ZNF841: variants seen among roughly 807,000 people sequenced by gnomAD.
ZNF841 encodes TCONS_00006091.
A neutral mutation model predicts 13.0 loss-of-function variants in ZNF841; 11 were observed. The observed-to-expected ratio is 0.85, with a 90% CI of 0.53 to 1.40. The LOEUF is 1.40. Ranked by LOEUF, ZNF841 falls within the 40% of genes most tolerant of loss-of-function variation. ZNF841 has a pLI of 0.00. For synonymous variants in ZNF841, 369 were observed against 381.6 expected (o/e 0.97, Z 0.38); for missense variants, 1,068 against 1,139.5 (o/e 0.94, Z 0.90).
chr19:52,069,026 C>T (rs2087668287), intron 6 of ZNF841, among the ~76,000 whole-genome samples: 2 of 152,150 alleles, frequency 1.3e-5, no homozygotes, highest in South Asian at 4.1e-4. Context: ...GATTTCATGC[C>T]TACAACTATG....
rs2087595791 is a variant in ZNF841, at chr19:52,067,013, C to T, written c.869G>A (p.Arg290Lys). The change falls in exon 7 of 7, where the codon AGA becomes AAA. Residue 290 changes from arginine to lysine, a missense_variant. Physicochemically the swap from Arg to Lys is conservative, Grantham distance 26 (BLOSUM62 2). Coordinates refer to ENST00000594440, the MANE Select transcript of ZNF841 (RefSeq NM_001136499.2). ...QMIHTTEKPY[R>K]CNESGKAFHR... Reference sequence around the variant, plus strand: ...AAAGGCTTTACCAGACTCATTGCATCTGTAAGGTTTCTCTGTAGTATGTAT... The same window carrying T: ...AAAGGCTTTACCAGACTCATTGCATTTGTAAGGTTTCTCTGTAGTATGTAT... The T allele has an allele frequency of 6.2e-7, 1 of 1,613,966 alleles. No individual in the cohort carries two copies. The highest frequency in any genetic ancestry group is 8.5e-7 in the Non-Finnish European group (1 of 1,179,944).
rs1320938263 is a variant in ZNF841 at position 52,093,984 on chromosome 19, G to A, written c.-269-13C>T. 1.3e-5 allele frequency: 2 copies of A among 151,616 alleles called. No homozygotes were observed. Among genetic ancestry groups the A allele is most frequent in the Non-Finnish European group, 2.9e-5 (2 of 68,048 alleles). 9.4% of individuals were successfully genotyped at this position (151,616 alleles called of 1,614,324 possible). On this transcript the variant is annotated splice_polypyrimidine_tract_variant and intron_variant, in intron 1 of 6. Coordinates refer to ENST00000594440, the MANE Select transcript of ZNF841 (RefSeq NM_001136499.2). ...ACTGCTCTCCAGCCTAGGCGGCAGA[G>A]AGAGACCATGTCCCCCCCCAAAACA...
intron 6 of ZNF841, among the ~76,000 whole-genome samples, chr19:52,072,239 G>T (rs1449665571): frequency 6.6e-6 from 1 of 152,062 alleles, no homozygotes; most frequent in Admixed American, 6.6e-5. Context: ...AATAATAAGA[G>T]ACTTCAATGG....
At chr19:52,086,187 T>C (rs1288108967) in intron 3 of ZNF841, among the ~76,000 whole-genome samples, 8 of 152,236 alleles carry the variant, frequency 5.3e-5, no homozygotes, top group African/African-American at 9.6e-5. Flanking sequence ...GTGATATGGA[T>C]CAGCTCTGTG....
intron 5 of ZNF841, 81 bp downstream of exon 5, chr19:52,076,876 AG>A: frequency 6.6e-7 from 1 of 1,521,026 alleles, no homozygotes. Flanking sequence ...CAAATAATGT[AG>A]GGCCTCACAA....
At chr19:52,090,705 A>AAGAAAGAAAGAAAGAG (rs1568549782) in intron 2 of ZNF841, among the ~76,000 whole-genome samples, 4 of 131,912 alleles carry the variant, frequency 3.0e-5, no homozygotes, top group African/African-American at 1.1e-4. Context: ...GAAAGAAAGA[A>AAGAAAGAAAGAAAGAG]AGAGAAAGAA....
At chr19:52,075,067 C>A (rs1377010306) in intron 6 of ZNF841, among the ~76,000 whole-genome samples, 1 of 152,210 alleles carries the variant, frequency 6.6e-6, no homozygotes, top group African/African-American at 2.4e-5. Flanking sequence ...CAAAAATTTT[C>A]TCTTACCCAG....
intron 1 of ZNF841, among the ~76,000 whole-genome samples, chr19:52,094,745 A>G (rs914998685): frequency 6.6e-5 from 10 of 151,758 alleles, no homozygotes; most frequent in East Asian, 3.9e-4. Flanking sequence ...TAGCTCTGTC[A>G]GCCGCGGCTC....
Position 52,065,482 on chromosome 19 carries a change from T to C in ZNF841, c.2400A>G (p.Lys800=), listed in dbSNP as rs1411152969. 1.3e-5 allele frequency: 21 copies of C among 1,613,836 alleles called. No individual in the cohort carries two copies. The highest frequency in any genetic ancestry group is 1.6e-5 in the Non-Finnish European group (19 of 1,179,996). The change falls in exon 7 of 7, where the codon AAA becomes AAG. Residue 800 remains lysine, a synonymous_variant. Transcript: ENST00000594440. ...EKPYKCNECG[K]AFRVRSILLN... ...GCAGAATTGAACGTACTCTAAAGGC[T>C]TTGCCACACTCATTACATTTGTAAG...
intron 6 of ZNF841, among the ~76,000 whole-genome samples, chr19:52,069,905 C>T (rs2087691968): frequency 6.6e-6 from 1 of 152,156 alleles, no homozygotes; most frequent in Non-Finnish European, 1.5e-5. Flanking sequence ...TCATTATAAA[C>T]ATGAAACAAT....
intron 3 of ZNF841, among the ~76,000 whole-genome samples, chr19:52,085,685 T>C (rs1202609739): frequency 1.3e-5 from 2 of 152,114 alleles, no homozygotes; most frequent in African/African-American, 2.4e-5. Context: ...GTAGAGGCCC[T>C]GAGGCAGGAG....
intron 6 of ZNF841, among the ~76,000 whole-genome samples, chr19:52,074,839 T>A (rs1255482774): frequency 1.3e-5 from 2 of 152,100 alleles, no homozygotes; most frequent in Admixed American, 1.3e-4. Flanking sequence ...CCTACACCAT[T>A]CACTGCTAGC....
chr19:52,059,311 C>CT, the ZNF841 span, among the ~76,000 whole-genome samples: 1 of 137,632 alleles, frequency 7.3e-6, no homozygotes, highest in Non-Finnish European at 1.5e-5. Context: ...GATCGCGCCG[C>CT]TGCACTCCAG....
At chr19:52,067,932 A>G (rs972450940) in intron 6 of ZNF841, among the ~76,000 whole-genome samples, 1 of 152,192 alleles carries the variant, frequency 6.6e-6, no homozygotes, top group African/African-American at 2.4e-5. Flanking sequence ...AATTGGCAGT[A>G]AACATATGGC....
At chr19:52,089,487 T>G (rs189273788) in intron 2 of ZNF841, among the ~76,000 whole-genome samples, 241 of 150,726 alleles carry the variant, frequency 1.6e-3, no homozygotes, top group Non-Finnish European at 2.8e-3. Context: ...TACTAAAAAA[T>G]ACAAAAAAAA....
chr19:52,088,414 AG>A (rs1232991948), intron 3 of ZNF841, among the ~76,000 whole-genome samples: 2 of 152,218 alleles, frequency 1.3e-5, no homozygotes, highest in Non-Finnish European at 2.9e-5. Flanking sequence ...ATTAAGAAAA[AG>A]GTATGCCAGA....
In ZNF841 at chr19:52,088,395, TG is replaced by T. The variant is rs556082813; in HGVS notation, c.-78+541del. Among the ~76,000 whole-genome samples the T allele has an allele frequency of 6.6e-5, 10 of 152,300 alleles. No individual in the cohort carries two copies. The South Asian group carries it at 1.9e-3, about 28-fold the overall frequency. ...TTTGAAAAAACTCACAGATGAACCA[TG>T]TACCCTAATTAAGAAAAAGGTATGC... is the stretch of plus-strand genomic sequence containing the variant. On this transcript the variant is annotated intron_variant, in intron 3 of 6. Coordinates refer to ENST00000594440, the MANE Select transcript of ZNF841 (RefSeq NM_001136499.2).
chr19:52,082,464 C>A (rs1247199216), intron 4 of ZNF841, among the ~76,000 whole-genome samples: 2 of 152,032 alleles, frequency 1.3e-5, no homozygotes, highest in Admixed American at 1.3e-4. Context: ...AAAATTCATG[C>A]AAAGAAAATG....
chr19:52,088,208 G>A (rs1343348856), intron 3 of ZNF841, among the ~76,000 whole-genome samples: 3 of 152,034 alleles, frequency 2.0e-5, no homozygotes, highest in Admixed American at 6.6e-5. Flanking sequence ...CAAGACCAAC[G>A]AACCAACCCT....
Sources: allele counts gnomAD v4.1 joint callset (sites outside exome capture counted in the v4.1 genomes callset), GRCh38; gene constraint gnomAD v4.1.1; transcripts MANE v1.5; gene names NCBI Gene and HGNC (gene_info 2026-07-23, HGNC 2026-07-21).